The following ALG11 variants were observed in gnomAD, a reference collection of about 807,000 sequenced individuals.
ALG11 encodes ALG11 alpha-1,2-mannosyltransferase.
ALG11 carries 26 observed loss-of-function variants against 38.8 expected under a neutral mutation model. That is an observed-to-expected ratio of 0.67 (90% CI 0.49 to 0.93). The LOEUF is 0.93. ALG11 is among the 40% of genes least tolerant of loss of function. The probability of loss-of-function intolerance (pLI) is 0.00; values close to 1 mark genes in which losing one functional copy is unlikely to be tolerated. For synonymous variants in ALG11, 199 were observed against 211.6 expected (o/e 0.94, Z 0.52); for missense variants, 535 against 578.8 (o/e 0.92, Z 0.78).
At position 52,028,793 on chromosome 13, in the gene ALG11, C is replaced by T; in HGVS notation, c.*203C>T. On this transcript the variant is annotated 3_prime_UTR_variant, in exon 4 of 4. Transcript: ENST00000521508. ...CCATTCTTGGTATACATGAGAGAGGCTGGCTGCTGAGATGAATGTGAACCA... is the reference window on the plus strand; with the variant it reads ...CCATTCTTGGTATACATGAGAGAGGTTGGCTGCTGAGATGAATGTGAACCA... The T allele has an allele frequency of 6.2e-7, 1 of 1,614,180 alleles. No homozygotes were observed. Among genetic ancestry groups the T allele is most frequent in the Admixed American group, 1.7e-5 (1 of 60,012 alleles).
chr13:52,014,239 C>T (rs182687775), intron 1 of ALG11, among the ~76,000 whole-genome samples: 22 of 152,268 alleles, frequency 1.4e-4, no homozygotes, highest in East Asian at 5.8e-4. Context: ...TCTGGTTTCA[C>T]GTTAAGCCAG....
intron 1 of ALG11, among the ~76,000 whole-genome samples, chr13:52,018,534 A>C (rs1420646323): frequency 6.6e-6 from 1 of 152,168 alleles, no homozygotes; most frequent in Admixed American, 6.5e-5. Flanking sequence ...TTTTTTTGGC[A>C]TCTGACCCTC....
chr13:52,028,465 A>G lies in ALG11; in HGVS notation c.1354A>G (p.Ile452Val), dbSNP rs1954263649. The G allele has an allele frequency of 1.2e-6, 2 of 1,614,106 alleles. No homozygotes were observed. The highest frequency in any genetic ancestry group is 1.7e-6 in the Non-Finnish European group (2 of 1,180,046). The change falls in exon 4 of 4, where the codon ATT becomes GTT. Residue 452 changes from isoleucine to valine, a missense_variant. By Grantham distance (29) the Ile-to-Val change is conservative. Transcript: ENST00000521508. ...EEDYAETIAH[I>V]LSMSAEKRLQ... is the part of the protein sequence containing the mutation. The stretch of plus-strand genomic sequence containing the variant: ...AGACTATGCTGAAACTATCGCTCAC[A>G]TTCTTTCCATGTCTGCAGAAAAGAG...
chr13:52,020,012 T>G (rs758288171), intron 2 of ALG11, among the ~76,000 whole-genome samples: 1 of 152,200 alleles, frequency 6.6e-6, no homozygotes, highest in Non-Finnish European at 1.5e-5. Flanking sequence ...TGGGAATAAC[T>G]GGTCCCCTTG....
chr13:52,019,216 CTTTTTTTTTT>C (rs767701891), intron 2 of ALG11, 73 bp downstream of exon 2: 4 of 447,028 alleles, frequency 8.9e-6, no homozygotes, highest in African/African-American at 2.9e-5. Flanking sequence ...AGAAATTCAT[CTTTTTTTTTT>C]TTTTTTTTTT....
In ALG11 at chr13:52,018,972, T is replaced by C. The variant is rs767287214; in HGVS notation, c.104T>C (p.Leu35Ser). The C allele has an allele frequency of 6.2e-7, 1 of 1,614,124 alleles. No individual in the cohort carries two copies. The highest frequency in any genetic ancestry group is 8.5e-7 in the Non-Finnish European group (1 of 1,180,000). The change falls in exon 2 of 4, where the codon TTG becomes TCG. Residue 35 changes from leucine (L) to serine (S), a missense_variant. By Grantham distance (145) the Leu-to-Ser change is moderately radical. Coordinates refer to ENST00000521508, the MANE Select transcript of ALG11 (RefSeq NM_001004127.3). ...LIVCGTLCVC[L>S]VIVLWGIRLL... is the part of the protein sequence containing the mutation. ...GTATGTGGAACTTTATGTGTGTGTTTGGTCATTGTCCTTTGGGGAATCAGA... is the reference window on the plus strand; with the variant it reads ...GTATGTGGAACTTTATGTGTGTGTTCGGTCATTGTCCTTTGGGGAATCAGA...
chr13:52,020,259 A>G (rs1288184511), intron 2 of ALG11, among the ~76,000 whole-genome samples: 1 of 152,056 alleles, frequency 6.6e-6, no homozygotes, highest in African/African-American at 2.4e-5. Flanking sequence ...ACCACCCCCC[A>G]TACCCCCAAA....
Position 52,032,157 on chromosome 13 carries a change from G to C in ALG11, c.*3567G>C, listed in dbSNP as rs1399722820. The C allele has an allele frequency of 6.5e-6, 1 of 153,412 alleles. No individual in the cohort carries two copies. Among genetic ancestry groups the C allele is most frequent in the African/African-American group, 2.4e-5 (1 of 41,450 alleles). 9.5% of individuals were successfully genotyped at this position (153,412 alleles called of 1,614,324 possible). On this transcript the variant is annotated 3_prime_UTR_variant, in exon 4 of 4. Transcript: ENST00000521508. ...GAATTGCTTGAAACTGGAAGGCAGA[G>C]GTTGCAGTGAGCCAAGATTGTGCCA...
intron 3 of ALG11, among the ~76,000 whole-genome samples, chr13:52,026,345 T>C (rs918313329): frequency 7.2e-5 from 11 of 152,158 alleles, no homozygotes; most frequent in South Asian, 6.2e-4. Context: ...AGAGGTGATA[T>C]AGGCCAGGTT....
At chr13:52,014,610 C>G (rs1418417524) in intron 1 of ALG11, among the ~76,000 whole-genome samples, 4 of 151,728 alleles carry the variant, frequency 2.6e-5, no homozygotes, top group South Asian at 2.1e-4. Context: ...TCATAGCTTA[C>G]TACAGCCTTG....
chr13:52,031,222 C>T lies in ALG11; in HGVS notation c.*2632C>T. The T allele has an allele frequency of 6.9e-7, 1 of 1,443,218 alleles. No homozygotes were observed. The highest frequency in any genetic ancestry group is 9.2e-7 in the Non-Finnish European group (1 of 1,082,866). The allele number at this position is 1,443,218 out of a possible 1,614,324, so 89.4% of individuals were successfully genotyped here. A position where few individuals can be genotyped will look rare whatever the true frequency, so the allele number is the denominator to read the frequency against. On this transcript the variant is annotated 3_prime_UTR_variant, in exon 4 of 4. Transcript: ENST00000521508. ...CTCAGCACATTGCATGTAGTTGAGC[C>T]ACATTTTTTAAAAAAAGAAAATGGA...
rs1313068616 is a variant in ALG11, at chr13:52,030,294, C to T, written c.*1704C>T. 1.9e-6 allele frequency: 3 copies of T among 1,614,042 alleles called. No homozygotes were observed. The highest frequency in any genetic ancestry group is 2.5e-6 in the Non-Finnish European group (3 of 1,180,038). ...GAACCTGCCCCAGAAGAAGCGGAAC[C>T]CCTATTGCTACAGAGGTCAGAGAGA... is the stretch of plus-strand genomic sequence containing the variant. On this transcript the variant is annotated 3_prime_UTR_variant, in exon 4 of 4. Transcript: ENST00000521508.
At chr13:52,024,993 C>A (rs1388964409) in intron 3 of ALG11, 56 bp downstream of exon 3, 22 of 1,531,158 alleles carry the variant, frequency 1.4e-5, no homozygotes, top group Non-Finnish European at 1.9e-5. Context: ...ATTTTAAGTT[C>A]TTTTGATAAA....
At chr13:52,023,155 A>G (rs528464226) in intron 2 of ALG11, 1 of 152,342 alleles carries the variant, frequency 6.6e-6, no homozygotes, top group African/African-American at 2.4e-5. Flanking sequence ...TTGTGATCCT[A>G]TCTGAAGACA....
intron 3 of ALG11, among the ~76,000 whole-genome samples, chr13:52,025,290 T>C (rs140253907): frequency 6.6e-6 from 1 of 152,326 alleles, no homozygotes; most frequent in African/African-American, 2.4e-5. Context: ...ACACAGTAAG[T>C]GGTAGAGCCC....
Position 52,012,407 on chromosome 13 carries a change from G to A in ALG11, c.-12G>A. 1 of 1,614,196 alleles carries A rather than the reference G, an allele frequency of 6.2e-7. No individual in the cohort carries two copies. Among genetic ancestry groups the A allele is most frequent in the Middle Eastern group, 1.7e-4 (1 of 5,992 alleles). On this transcript the variant is annotated 5_prime_UTR_variant, in exon 1 of 4. Transcript: ENST00000521508. ...AAGTGAAGCGTTTCCTGAGTTCGGG[G>A]GTCGGCGGAAGATGGCGGCCGGCGA...
Position 52,024,397 on chromosome 13 carries a change from A to G in ALG11, c.667A>G (p.Ile223Val). The change falls in exon 3 of 4, where the codon ATT (isoleucine) becomes GTT (valine). Residue 223 changes from isoleucine to valine, a missense_variant. Physicochemically the swap from Ile to Val is conservative, Grantham distance 29 (BLOSUM62 3). Transcript: ENST00000521508. ...TATTGGATTTAATAATGCAGCCTTC[A>G]TTACCAGGAATCCTTTTCTCAGCAA... ...QNIGFNNAAFITRNPFLSKVK... is the reference protein window; with the variant it reads ...QNIGFNNAAFVTRNPFLSKVK... 1 of 1,613,598 alleles carries G rather than the reference A, an allele frequency of 6.2e-7. No homozygotes were observed. The highest frequency in any genetic ancestry group is 8.5e-7 in the Non-Finnish European group (1 of 1,179,630).
In ALG11 at chr13:52,024,174, A is replaced by G. The variant is rs772813217; in HGVS notation, c.444A>G (p.Thr148=). The change falls in exon 3 of 4, where the codon ACA becomes ACG. Residue 148 remains threonine (T), a synonymous_variant. Coordinates refer to ENST00000521508, the MANE Select transcript of ALG11 (RefSeq NM_001004127.3). Reference sequence around the variant, plus strand: ...AAGATTCACTGTATCCTCACTTCACACTGCTGGGCCAAAGTCTAGGATCCA... The same window carrying G: ...AAGATTCACTGTATCCTCACTTCACGCTGCTGGGCCAAAGTCTAGGATCCA... ...LVEDSLYPHF[T]LLGQSLGSIF... The G allele has an allele frequency of 1.2e-6, 2 of 1,614,078 alleles. No homozygotes were observed. Among genetic ancestry groups the G allele is most frequent in the South Asian group, 1.1e-5 (1 of 91,072 alleles).
Position 52,028,747 on chromosome 13 carries a change from T to C in ALG11, c.*157T>C, listed in dbSNP as rs772791309. On this transcript the variant is annotated 3_prime_UTR_variant, in exon 4 of 4. Coordinates refer to ENST00000521508, the MANE Select transcript of ALG11 (RefSeq NM_001004127.3). Reference sequence around the variant, plus strand: ...ATAAAAGGAAGTGTTGAAAAGAAAATGGATGACTAGCCTTCGGCTTCCATT... The same window carrying C: ...ATAAAAGGAAGTGTTGAAAAGAAAACGGATGACTAGCCTTCGGCTTCCATT... The C allele has an allele frequency of 1.3e-4, 204 of 1,611,914 alleles. No homozygotes were observed. Among genetic ancestry groups the C allele is most frequent in the Non-Finnish European group, 1.7e-4 (197 of 1,178,486 alleles).
Sources: gnomAD v4.1 joint callset for allele counts (sites outside exome capture counted in the v4.1 genomes callset) on GRCh38, gnomAD v4.1.1 for gene constraint, MANE v1.5 for transcripts, NCBI Gene and HGNC (gene_info 2026-07-23, HGNC 2026-07-21) for gene names.